DNAI4: variants seen among roughly 807,000 people sequenced by gnomAD.
DNAI4 encodes the protein dynein axonemal intermediate chain 4.
DNAI4 carries 85 observed loss-of-function variants against 105.8 expected under a neutral mutation model. The observed-to-expected ratio is 0.80, with a 90% CI of 0.67 to 0.96. The LOEUF (loss-of-function observed/expected upper bound fraction) is 0.96, where lower values mean the gene tolerates loss of function less well. Among genes scored for constraint, DNAI4 ranks in the 40% least tolerant of loss-of-function variants. DNAI4 has a pLI of 0.00. For synonymous variants in DNAI4, 352 were observed against 331.5 expected (o/e 1.06, Z -0.67); for missense variants, 1,014 against 1,005.6 (o/e 1.01, Z -0.11).
chr1:66,873,154 T>G (rs1296457564), intron 5 of DNAI4, among the ~76,000 whole-genome samples: 1 of 151,878 alleles, frequency 6.6e-6, no homozygotes, highest in African/African-American at 2.4e-5. Flanking sequence ...GAGGGAATTC[T>G]TCTCCTTCTC....
Position 66,834,012 on chromosome 1 carries a change from G to A in DNAI4, c.1870C>T (p.Arg624Ter), listed in dbSNP as rs758550177. The change falls in exon 12 of 17, where the codon CGA becomes TGA. Residue 624 changes from arginine to a stop codon, truncating the protein, a stop_gained. Coordinates refer to ENST00000371026, the MANE Select transcript of DNAI4 (RefSeq NM_024763.5). LOFTEE classifies it high-confidence loss of function. ...TTACCATAACAGTCTAGTCCTTTTC[G>A]TATAACCCATTTGGAGATTCTTCCA... ...ADGRISKWVI[R>*]KGLDCYDLMR... 1.2e-5 allele frequency: 20 copies of A among 1,604,944 alleles called. No individual in the cohort carries two copies. Among genetic ancestry groups the A allele is most frequent in the Middle Eastern group, 1.7e-4 (1 of 6,050 alleles).
intron 1 of DNAI4, among the ~76,000 whole-genome samples, chr1:66,915,485 A>C (rs1649997037): frequency 6.6e-6 from 1 of 152,252 alleles, no homozygotes; most frequent in Non-Finnish European, 1.5e-5. Flanking sequence ...TAGGTCATAT[A>C]GGTAAACAAT....
intron 1 of DNAI4, among the ~76,000 whole-genome samples, chr1:66,923,469 G>C (rs1650717915): frequency 6.6e-6 from 1 of 152,182 alleles, no homozygotes; most frequent in Non-Finnish European, 1.5e-5. Flanking sequence ...CAAAGGATCT[G>C]GGAAAGGTGA....
intron 7 of DNAI4, among the ~76,000 whole-genome samples, chr1:66,849,259 T>C (rs146428020): frequency 1.5e-3 from 221 of 152,158 alleles, no homozygotes; most frequent in African/African-American, 4.3e-3. Context: ...CATTCTTATA[T>C]CTCCTAGCCA....
intron 7 of DNAI4, among the ~76,000 whole-genome samples, chr1:66,852,628 T>C (rs1388179894): frequency 2.0e-5 from 3 of 151,912 alleles, no homozygotes; most frequent in Non-Finnish European, 4.4e-5. Context: ...CATGATCATA[T>C]CAATCAATGC....
intron 13 of DNAI4, among the ~76,000 whole-genome samples, chr1:66,832,551 T>G (rs509874): frequency 0.52 from 79,265 of 151,892 alleles, 21,086 homozygotes; most frequent in East Asian, 0.65. Context: ...GTGGTGGGGA[T>G]GGTTAATGGG....
In DNAI4 at chr1:66,814,033, T is replaced by C; in HGVS notation, c.*97A>G. 1.2e-6 allele frequency: 1 copy of C among 811,890 alleles called. No individual in the cohort carries two copies. The highest frequency in any genetic ancestry group is 1.8e-6 in the Non-Finnish European group (1 of 557,234). 50.3% of individuals were successfully genotyped at this position (811,890 alleles called of 1,614,324 possible). A position where few individuals can be genotyped will look rare whatever the true frequency, so the allele number is the denominator to read the frequency against. On this transcript the variant is annotated 3_prime_UTR_variant, in exon 17 of 17. Coordinates refer to ENST00000371026, the MANE Select transcript of DNAI4 (RefSeq NM_024763.5). ...GGAAGTTATACATCAAATATTGTTT[T>C]CTGAAATCAAAATCTGGTGTACAGT...
At chr1:66,917,247 A>C (rs1409823103) in intron 1 of DNAI4, among the ~76,000 whole-genome samples, 1 of 152,202 alleles carries the variant, frequency 6.6e-6, no homozygotes, top group African/African-American at 2.4e-5. Flanking sequence ...GTTATCAGTA[A>C]TTGTAATTGT....
chr1:66,826,423 C>T (rs1162290506), intron 15 of DNAI4, among the ~76,000 whole-genome samples: 11 of 151,994 alleles, frequency 7.2e-5, no homozygotes, highest in African/African-American at 1.5e-4. Flanking sequence ...TTCAGGCTTC[C>T]AAGTAGCTGG....
At chr1:66,842,419 C>T (rs1224365546) in intron 8 of DNAI4, among the ~76,000 whole-genome samples, 1 of 152,098 alleles carries the variant, frequency 6.6e-6, no homozygotes, top group Non-Finnish European at 1.5e-5. Flanking sequence ...AAGACAGAGT[C>T]TCACTCTGTT....
chr1:66,863,948 T>C (rs905106313), intron 6 of DNAI4, among the ~76,000 whole-genome samples: 5 of 152,232 alleles, frequency 3.3e-5, no homozygotes, highest in African/African-American at 1.2e-4. Flanking sequence ...TCAACTTTCT[T>C]TTTCTTTTGT....
chr1:66,845,588 C>T (rs908532333), intron 8 of DNAI4, among the ~76,000 whole-genome samples: 7 of 152,072 alleles, frequency 4.6e-5, no homozygotes, highest in African/African-American at 1.4e-4. Context: ...TCTTAATATC[C>T]CCAGACTGAA....
chr1:66,870,076 C>A (rs935659134), intron 6 of DNAI4, among the ~76,000 whole-genome samples: 1 of 152,126 alleles, frequency 6.6e-6, no homozygotes, highest in African/African-American at 2.4e-5. Flanking sequence ...AATTTTTTTG[C>A]TAGGGGTTTG....
At chr1:66,841,058 C>G (rs923805700) in intron 8 of DNAI4, among the ~76,000 whole-genome samples, 1 of 152,238 alleles carries the variant, frequency 6.6e-6, no homozygotes, top group Non-Finnish European at 1.5e-5. Flanking sequence ...ACCACACACA[C>G]AGGACACCCA....
intron 9 of DNAI4, among the ~76,000 whole-genome samples, chr1:66,839,527 A>C (rs1646102701): frequency 6.6e-6 from 1 of 152,180 alleles, no homozygotes; most frequent in African/African-American, 2.4e-5. Flanking sequence ...TTAAACATAC[A>C]AAATATAATA....
rs1261589124 is a variant in DNAI4 at position 66,890,898 on chromosome 1, C to A, written c.643+256G>T. The A allele has an allele frequency of 5.9e-6, 3 of 505,910 alleles. No homozygotes were observed. Among genetic ancestry groups the A allele is most frequent in the Admixed American group, 6.8e-5 (2 of 29,516 alleles). 31.3% of individuals were successfully genotyped at this position (505,910 alleles called of 1,614,324 possible). ...GAAGAAGAAGAAGCAGAAGCAGCAG[C>A]AGCAACAGCAGCAGCAGAAGCAGCA... On this transcript the variant is annotated intron_variant, in intron 4 of 16. Transcript: ENST00000371026. This position sits in a 1 kb window ranked among gnomAD's most constrained non-coding sequence, Gnocchi z 4.1.
At chr1:66,829,751 A>G (rs1645829051) in intron 13 of DNAI4, among the ~76,000 whole-genome samples, 1 of 152,220 alleles carries the variant, frequency 6.6e-6, no homozygotes, top group Non-Finnish European at 1.5e-5. Context: ...CTAACCAAGA[A>G]AAGCATAATA....
At chr1:66,824,977 C>T (rs900813262) in intron 15 of DNAI4, among the ~76,000 whole-genome samples, 3 of 152,178 alleles carry the variant, frequency 2.0e-5, no homozygotes, top group Admixed American at 6.5e-5. Flanking sequence ...AATTCCAGCC[C>T]GCCAGCCTGC....
At chr1:66,829,125 G>A (rs1414096680) in intron 13 of DNAI4, among the ~76,000 whole-genome samples, 1 of 152,178 alleles carries the variant, frequency 6.6e-6, no homozygotes, top group Admixed American at 6.5e-5. Context: ...GCTCTGGAGA[G>A]AAGATGGCCC....
Sources: allele counts gnomAD v4.1 joint callset (sites outside exome capture counted in the v4.1 genomes callset), GRCh38; gene constraint gnomAD v4.1.1; non-coding constraint Gnocchi (gnomAD v3.1); transcripts MANE v1.5; gene names NCBI Gene and HGNC (gene_info 2026-07-23, HGNC 2026-07-21).